ADCY2: variants seen among roughly 807,000 people sequenced by gnomAD.
The protein encoded by ADCY2 is adenylate cyclase type 2.
A neutral mutation model predicts 125.2 loss-of-function variants in ADCY2; 31 were observed. The ratio of observed to expected loss-of-function variants is 0.25; its 90% CI spans 0.19 to 0.33. The LOEUF is 0.33. ADCY2 is among the 10% of genes least tolerant of loss of function. ADCY2 has a pLI of 1.00. For synonymous variants in ADCY2, 512 were observed against 548.4 expected (o/e 0.93, Z 0.93); for missense variants, 904 against 1,418.2 (o/e 0.64, Z 5.82).
chr5:7,697,008 A>T (rs944215482), intron 6 of ADCY2, among the ~76,000 whole-genome samples: 2 of 152,106 alleles, frequency 1.3e-5, no homozygotes, highest in Non-Finnish European at 2.9e-5. Flanking sequence ...TGTTCATGTT[A>T]GGAAGAAACG....
chr5:7,667,506 A>T (rs1006738140), intron 4 of ADCY2, among the ~76,000 whole-genome samples: 2 of 151,492 alleles, frequency 1.3e-5, no homozygotes, highest in Non-Finnish European at 2.9e-5. Context: ...TTTTCTTCAT[A>T]CTTTTAACAT....
chr5:7,723,756 A>T (rs974908364), intron 12 of ADCY2, among the ~76,000 whole-genome samples: 7 of 151,866 alleles, frequency 4.6e-5, no homozygotes, highest in Admixed American at 3.9e-4. Flanking sequence ...CCCCACCTCT[A>T]CTAAAAATAC....
intron 3 of ADCY2, among the ~76,000 whole-genome samples, chr5:7,562,607 G>A (rs13163862): frequency 0.3 from 46,017 of 151,990 alleles, 8,170 homozygotes; most frequent in Non-Finnish European, 0.41. Context: ...TGGAGCATGC[G>A]TGCACAGACA....
chr5:7,749,175 C>G (rs1742726380), intron 15 of ADCY2, among the ~76,000 whole-genome samples: 1 of 152,166 alleles, frequency 6.6e-6, no homozygotes, highest in Non-Finnish European at 1.5e-5. Flanking sequence ...TTATTCTTCT[C>G]TACTCTAGTT....
chr5:7,817,298 C>A (rs1561037301), intron 23 of ADCY2, among the ~76,000 whole-genome samples: 1 of 152,040 alleles, frequency 6.6e-6, no homozygotes, highest in Non-Finnish European at 1.5e-5. Flanking sequence ...TGGGCTGTTG[C>A]CAATTAAACT....
At position 7,800,120 on chromosome 5, in the gene ADCY2, G is replaced by A. The variant is rs150192472; in HGVS notation, c.2629-2098G>A. ...TGTCAGACTTGATAACTCCAGCCTC[G>A]GGCAAGTAATGTAACCCCTCTGTGC... On this transcript the variant is annotated intron_variant, in intron 20 of 24. Coordinates refer to ENST00000338316, the MANE Select transcript of ADCY2 (RefSeq NM_020546.3). 5.9e-5 allele frequency: 9 copies of A among 152,212 alleles called. 1 individual carries two copies. Among genetic ancestry groups the A allele is most frequent in the African/African-American group, 1.9e-4 (8 of 41,510 alleles). 9.4% of individuals were successfully genotyped at this position (152,212 alleles called of 1,614,324 possible). A position where few individuals can be genotyped will look rare whatever the true frequency, so the allele number is the denominator to read the frequency against.
At chr5:7,651,707 G>T (rs1245050236) in intron 4 of ADCY2, among the ~76,000 whole-genome samples, 1 of 152,116 alleles carries the variant, frequency 6.6e-6, no homozygotes, top group Admixed American at 6.5e-5. Context: ...GCAACACTTT[G>T]CATCCTTCAA....
At chr5:7,653,472 G>A (rs1394439066) in intron 4 of ADCY2, among the ~76,000 whole-genome samples, 1 of 152,176 alleles carries the variant, frequency 6.6e-6, no homozygotes. Context: ...GCCAGGCGTG[G>A]TGGCGGGCGC....
chr5:7,409,703 C>T (rs971555124), intron 1 of ADCY2, among the ~76,000 whole-genome samples: 3 of 152,084 alleles, frequency 2.0e-5, no homozygotes, highest in Admixed American at 6.5e-5. Flanking sequence ...TGTTCAAATC[C>T]TTTAACATCT....
intron 20 of ADCY2, among the ~76,000 whole-genome samples, chr5:7,792,945 G>A (rs889531518): frequency 6.6e-5 from 10 of 152,144 alleles, no homozygotes; most frequent in East Asian, 1.9e-4. Context: ...AGGCGTGCAC[G>A]GGACCCACAT....
Position 7,789,090 on chromosome 5 carries a change from C to T in ADCY2, c.2470-552C>T, listed in dbSNP as rs553114934. Among the ~76,000 whole-genome samples, 10 of 152,290 alleles carry T rather than the reference C, an allele frequency of 6.6e-5. No homozygotes were observed. The South Asian group carries it at 2.1e-3, about 32-fold the overall frequency. ...TTAATTAATATCAAAATGAACTTTT[C>T]TCTAAATGTAACGAATGGCATTCTG... On this transcript the variant is annotated intron_variant, in intron 19 of 24. Transcript: ENST00000338316.
chr5:7,495,159 G>A (rs1240405843), intron 2 of ADCY2, among the ~76,000 whole-genome samples: 1 of 152,172 alleles, frequency 6.6e-6, no homozygotes, highest in Non-Finnish European at 1.5e-5. Context: ...ATGTTTAGGT[G>A]CCTGCACATG....
At chr5:7,702,229 T>TC (rs1313872133) in intron 7 of ADCY2, among the ~76,000 whole-genome samples, 2 of 149,994 alleles carry the variant, frequency 1.3e-5, no homozygotes, top group East Asian at 4.3e-4. Context: ...CTGTTTCTTT[T>TC]TTTTTTTTTT....
chr5:7,771,419 G>A (rs1743554658), intron 17 of ADCY2, among the ~76,000 whole-genome samples: 1 of 152,196 alleles, frequency 6.6e-6, no homozygotes, highest in Non-Finnish European at 1.5e-5. Flanking sequence ...CACCTGAAGT[G>A]AAGGGTGGCC....
chr5:7,755,380 C>T (rs904472170), intron 15 of ADCY2, among the ~76,000 whole-genome samples: 2 of 151,472 alleles, frequency 1.3e-5, no homozygotes, highest in African/African-American at 4.9e-5. Context: ...CATTGTTCAT[C>T]TTTTCCTATC....
chr5:7,405,694 T>G (rs1380150331), intron 1 of ADCY2, among the ~76,000 whole-genome samples: 1 of 152,220 alleles, frequency 6.6e-6, no homozygotes, highest in Non-Finnish European at 1.5e-5. Flanking sequence ...AGAGCCAGAC[T>G]CAGTGTAGGA....
At chr5:7,634,858 A>G (rs1163166766) in intron 4 of ADCY2, among the ~76,000 whole-genome samples, 1 of 152,232 alleles carries the variant, frequency 6.6e-6, no homozygotes, top group African/African-American at 2.4e-5. Context: ...ATGAGAAGAT[A>G]TAACAAGATA....
intron 7 of ADCY2, among the ~76,000 whole-genome samples, chr5:7,703,338 T>G (rs1741152352): frequency 6.6e-6 from 1 of 152,228 alleles, no homozygotes; most frequent in South Asian, 2.1e-4. Flanking sequence ...GGTTTTCTTC[T>G]AGGGTTTTTA....
At chr5:7,754,387 C>T (rs1443845000) in intron 15 of ADCY2, among the ~76,000 whole-genome samples, 1 of 152,114 alleles carries the variant, frequency 6.6e-6, no homozygotes, top group African/African-American at 2.4e-5. Flanking sequence ...GCTAGATGTA[C>T]ATTTTCCCCT....
Sources: allele counts gnomAD v4.1 joint callset (sites outside exome capture counted in the v4.1 genomes callset), GRCh38; gene constraint gnomAD v4.1.1; transcripts MANE v1.5; gene names NCBI Gene and HGNC (gene_info 2026-07-23, HGNC 2026-07-21).